The following FAM178B variants were observed in gnomAD, a reference collection of about 807,000 sequenced individuals.
The protein encoded by FAM178B is family with sequence similarity 178 member B, also known as protein FAM178B.
A neutral mutation model predicts 91.7 loss-of-function variants in FAM178B; 82 were observed. The ratio of observed to expected loss-of-function variants is 0.89; its 90% CI spans 0.75 to 1.07. The LOEUF (loss-of-function observed/expected upper bound fraction) is 1.07, where lower values mean the gene tolerates loss of function less well. FAM178B is among the 50% of genes least tolerant of loss of function. FAM178B has a pLI of 0.00. For synonymous variants in FAM178B, 368 were observed against 359.4 expected (o/e 1.02, Z -0.27); for missense variants, 769 against 846.7 (o/e 0.91, Z 1.14).
At position 96,976,569 on chromosome 2, in the gene FAM178B, G is replaced by A. The variant is rs1251257377; in HGVS notation, c.74-3963C>T. 4.6e-5 allele frequency among the ~76,000 whole-genome samples: 7 copies of A among 151,844 alleles called. No homozygotes were observed. In the East Asian group the frequency reaches 1.4e-3, roughly 29 times the overall value. On this transcript the variant is annotated intron_variant, in intron 1 of 16. Transcript: ENST00000490605. ...AGTCAAAAAGTGAAAACAGGGCTAG[G>A]CATGGTGGCTCACGCCTGTAATCTC... is the stretch of plus-strand genomic sequence containing the variant.
rs1417753925 is a variant in FAM178B, at chr2:96,929,207, T to C, written c.1192A>G (p.Arg398Gly). The C allele has an allele frequency of 1.3e-6, 2 of 1,548,436 alleles. No individual in the cohort carries two copies. The highest frequency in any genetic ancestry group is 1.7e-6 in the Non-Finnish European group (2 of 1,144,118). The change falls in exon 9 of 17, where the codon AGG (arginine) becomes GGG (glycine). Residue 398 changes from arginine to glycine, a missense_variant and splice_region_variant. Transcript: ENST00000490605. ...YPLGPFWHGG[R>G]VLPGEAGLNE... is the part of the protein sequence containing the mutation. Reference sequence around the variant, plus strand: ...CAGTGAGGAAGCAGAAGTACTCACCTGCCACCGTGCCAAAAGGGCCCCAGA... The same window carrying C: ...CAGTGAGGAAGCAGAAGTACTCACCCGCCACCGTGCCAAAAGGGCCCCAGA...
At chr2:96,979,941 A>G (rs1353309005) in intron 1 of FAM178B, among the ~76,000 whole-genome samples, 1 of 152,228 alleles carries the variant, frequency 6.6e-6, no homozygotes, top group East Asian at 1.9e-4. Flanking sequence ...AGGGCTAAAC[A>G]GTTTTAAAGT....
chr2:96,930,984 C>A (rs2081530632), intron 8 of FAM178B, among the ~76,000 whole-genome samples: 1 of 152,200 alleles, frequency 6.6e-6, no homozygotes, highest in Admixed American at 6.5e-5. Flanking sequence ...ACTTCCCAGC[C>A]TCCAGAACTG....
Position 96,960,378 on chromosome 2 carries a change from G to GTC in FAM178B, c.795_796dup (p.Thr266ArgfsTer20). 1 of 1,551,942 alleles carries GTC rather than the reference G, an allele frequency of 6.4e-7. No homozygotes were observed. The highest frequency in any genetic ancestry group is 8.7e-7 in the Non-Finnish European group (1 of 1,147,032). ...GGGGTGACACCTGGGCAGAAACACA[G>GTC]TCTCACCTGGATGGACCGGCGGGAT... On this transcript the variant is annotated frameshift_variant, in exon 6 of 17. Transcript: ENST00000490605. LOFTEE classifies it high-confidence loss of function.
At chr2:96,927,507 G>T (rs1048171589) in intron 9 of FAM178B, among the ~76,000 whole-genome samples, 1 of 152,216 alleles carries the variant, frequency 6.6e-6, no homozygotes, top group Non-Finnish European at 1.5e-5. Context: ...CCCTGGGCCC[G>T]ATCTAGGACA....
intron 10 of FAM178B, among the ~76,000 whole-genome samples, chr2:96,922,527 T>C (rs2081359925): frequency 6.6e-6 from 1 of 152,172 alleles, no homozygotes; most frequent in South Asian, 2.1e-4. Context: ...TTATTGTATG[T>C]TTAGTAGAGA....
At position 96,967,427 on chromosome 2, in the gene FAM178B, T is replaced by TA. The variant is rs2082157407; in HGVS notation, c.734+92dup. Reference sequence around the variant, plus strand: ...TTCACAAATAGTACACAAATCACTGTACCATGTTGGTCAAAACTCTGTCCA... The same window carrying TA: ...TTCACAAATAGTACACAAATCACTGTAACCATGTTGGTCAAAACTCTGTCCA... On this transcript the variant is annotated intron_variant, in intron 5 of 16. Transcript: ENST00000490605. 1.1e-5 allele frequency: 8 copies of TA among 712,172 alleles called. No homozygotes were observed. The South Asian group carries it at 1.3e-4, about 11-fold the overall frequency. 44.1% of individuals were successfully genotyped at this position (712,172 alleles called of 1,614,324 possible). A position where few individuals can be genotyped will look rare whatever the true frequency, so the allele number is the denominator to read the frequency against.
intron 13 of FAM178B, chr2:96,895,284 C>T (rs2080799444): frequency 2.6e-6 from 1 of 385,482 alleles, no homozygotes; most frequent in Non-Finnish European, 4.8e-6. Context: ...TATCATCATC[C>T]AACACCTGTG....
chr2:96,887,591 G>T (rs148063108), intron 14 of FAM178B, among the ~76,000 whole-genome samples: 1 of 152,230 alleles, frequency 6.6e-6, no homozygotes, highest in African/African-American at 2.4e-5. Context: ...GTTTCTGGGA[G>T]AGCATCACTG....
chr2:96,916,984 A>G (rs893635286), intron 12 of FAM178B, among the ~76,000 whole-genome samples: 4 of 152,190 alleles, frequency 2.6e-5, no homozygotes, highest in Admixed American at 6.5e-5. Flanking sequence ...GCAGCAGCTC[A>G]CTGAAGACCC....
rs577955421 is a variant in FAM178B at position 96,876,023 on chromosome 2, G to C, written c.*253C>G. The C allele has an allele frequency of 1.3e-5, 7 of 546,642 alleles. No homozygotes were observed. Among genetic ancestry groups the C allele is most frequent in the African/African-American group, 1.1e-4 (6 of 52,390 alleles). 33.9% of individuals were successfully genotyped at this position (546,642 alleles called of 1,614,324 possible). ...GGCCTTAGGGAAGAGGAGATGGCTG[G>C]GAGGAGGGCTGAGGGGTGGGCGAGG... On this transcript the variant is annotated 3_prime_UTR_variant, in exon 17 of 17. Coordinates refer to ENST00000490605, the MANE Select transcript of FAM178B (RefSeq NM_001122646.3).
chr2:96,891,482 G>T (rs185197798), intron 14 of FAM178B, among the ~76,000 whole-genome samples: 3 of 152,334 alleles, frequency 2.0e-5, no homozygotes, highest in Non-Finnish European at 1.5e-5. Flanking sequence ...ATGGAAGAAG[G>T]GAGTTCAGAG....
At chr2:96,964,112 G>A (rs12328152) in intron 5 of FAM178B, among the ~76,000 whole-genome samples, 47 of 152,166 alleles carry the variant, frequency 3.1e-4, no homozygotes, top group African/African-American at 1.1e-3. Flanking sequence ...CCTGGGAGGC[G>A]GAGGTTGCAG....
intron 8 of FAM178B, among the ~76,000 whole-genome samples, chr2:96,941,419 A>T (rs1021312410): frequency 3.3e-5 from 5 of 152,208 alleles, no homozygotes; most frequent in African/African-American, 1.2e-4. Context: ...GAAGGGAGAG[A>T]TGAAGGAAAG....
At chr2:96,961,247 A>C (rs2082076483) in intron 5 of FAM178B, among the ~76,000 whole-genome samples, 1 of 152,134 alleles carries the variant, frequency 6.6e-6, no homozygotes, top group Non-Finnish European at 1.5e-5. Context: ...AATGAGCTAA[A>C]TCTACATAAA....
chr2:96,958,272 G>T (rs1248070929), intron 6 of FAM178B, among the ~76,000 whole-genome samples: 1 of 151,998 alleles, frequency 6.6e-6, no homozygotes, highest in Non-Finnish European at 1.5e-5. Flanking sequence ...TGGTTTCACC[G>T]TGTTAGCCAG....
At chr2:96,965,747 A>G (rs1432636079) in intron 5 of FAM178B, among the ~76,000 whole-genome samples, 1 of 152,114 alleles carries the variant, frequency 6.6e-6, no homozygotes, top group African/African-American at 2.4e-5. Flanking sequence ...AATTACAGGC[A>G]TGAGCCACCG....
Position 96,947,910 on chromosome 2 carries a change from GAAA to G in FAM178B, c.994-11_994-9del. 8.1e-7 allele frequency: 1 copy of G among 1,236,728 alleles called. No homozygotes were observed. The highest frequency in any genetic ancestry group is 1.1e-6 in the Non-Finnish European group (1 of 912,066). The allele number at this position is 1,236,728 out of a possible 1,614,324, so 76.6% of individuals were successfully genotyped here. On this transcript the variant is annotated splice_polypyrimidine_tract_variant and intron_variant, in intron 7 of 16. Coordinates refer to ENST00000490605, the MANE Select transcript of FAM178B (RefSeq NM_001122646.3). ...TGGAGGCCATGTCAGCAGCTAGGTGGAAAAAAAAAACAAAAACAAAAACCTGGT... is the reference window on the plus strand; with the variant it reads ...TGGAGGCCATGTCAGCAGCTAGGTGGAAAAAAACAAAAACAAAAACCTGGT...
intron 8 of FAM178B, among the ~76,000 whole-genome samples, chr2:96,931,271 G>A (rs2153371767): frequency 6.6e-6 from 1 of 152,294 alleles, no homozygotes; most frequent in South Asian, 2.1e-4. Flanking sequence ...ACTGTGTTCA[G>A]GAACTAGCTA....
Sources: allele counts gnomAD v4.1 joint callset (sites outside exome capture counted in the v4.1 genomes callset), GRCh38; gene constraint gnomAD v4.1.1; transcripts MANE v1.5; gene names NCBI Gene and HGNC (gene_info 2026-07-23, HGNC 2026-07-21).